Variants in PDXDC1 observed in about 807,000 individuals in gnomAD.
The protein encoded by PDXDC1 is pyridoxal dependent decarboxylase domain containing 1, also known as pyridoxal-dependent decarboxylase domain-containing protein 1.
A neutral mutation model predicts 100.1 loss-of-function variants in PDXDC1; 42 were observed. The ratio of observed to expected loss-of-function variants is 0.42; its 90% CI spans 0.33 to 0.54. The LOEUF (loss-of-function observed/expected upper bound fraction) is 0.54, where lower values mean the gene tolerates loss of function less well. Among genes scored for constraint, PDXDC1 ranks in the 20% least tolerant of loss-of-function variants. The pLI is 0.10. For synonymous variants in PDXDC1, 260 were observed against 371.7 expected (o/e 0.70, Z 3.46); for missense variants, 636 against 979.2 (o/e 0.65, Z 4.68).
downstream of PDXDC1, among the ~76,000 whole-genome samples, chr16:15,042,611 T>G (rs2043865814): frequency 6.6e-6 from 1 of 152,244 alleles, no homozygotes; most frequent in African/African-American, 2.4e-5. Flanking sequence ...TTTCCTGTTA[T>G]AAGTAATGTT....
intron 11 of PDXDC1, among the ~76,000 whole-genome samples, chr16:15,017,994 A>T (rs1178847023): frequency 3.9e-5 from 6 of 152,190 alleles, no homozygotes; most frequent in African/African-American, 1.4e-4. Context: ...GTGTTTCACC[A>T]AGTTGGTCAT....
At chr16:15,046,966 C>T (rs2044097376) in intron 16 of PDXDC1, among the ~76,000 whole-genome samples, 1 of 152,150 alleles carries the variant, frequency 6.6e-6, no homozygotes, top group African/African-American at 2.4e-5. Context: ...ACAGCCCCGC[C>T]TCACCACCCA....
chr16:15,005,317 A>AAAAAAG (rs5816114), intron 5 of PDXDC1, among the ~76,000 whole-genome samples: 34,493 of 142,658 alleles, frequency 0.24, 1,930 homozygotes, highest in East Asian at 0.37. Flanking sequence ...AAAAAAAAAA[A>AAAAAAG]AAAGAAAACT....
chr16:15,055,802 T>G, intron 16 of PDXDC1: 1 of 706,410 alleles, frequency 1.4e-6, no homozygotes, highest in Admixed American at 4.4e-5. Flanking sequence ...GCGCCAAGTT[T>G]CAAGTCTGTG....
intron 11 of PDXDC1, among the ~76,000 whole-genome samples, chr16:15,018,588 A>G (rs578038151): frequency 1.3e-5 from 2 of 152,386 alleles, no homozygotes; most frequent in East Asian, 3.9e-4. Flanking sequence ...GATGTGACCC[A>G]TCTGGGTTTT....
At chr16:15,132,045 G>A (rs563639256) in intron 16 of PDXDC1, among the ~76,000 whole-genome samples, 2 of 11,472 alleles carry the variant, frequency 1.7e-4, no homozygotes, top group Admixed American at 6.5e-4. Context: ...AGGAGGATAA[G>A]GGGGATAAGA....
chr16:15,145,358 G>A, the PDXDC1 span, among the ~76,000 whole-genome samples: 5 of 152,236 alleles, frequency 3.3e-5, no homozygotes, highest in Admixed American at 6.5e-5. Flanking sequence ...CACAGTGGAC[G>A]GGCTCACAAC....
At chr16:15,031,138 A>ATTTT (rs2043040284) in intron 16 of PDXDC1, among the ~76,000 whole-genome samples, 45 of 58,454 alleles carry the variant, frequency 7.7e-4, no homozygotes, top group South Asian at 2.8e-3. Context: ...TTTTTTTTCC[A>ATTTT]TAGAGACGTG....
At chr16:15,101,420 G>C (rs568226633) in intron 16 of PDXDC1, among the ~76,000 whole-genome samples, 1 of 152,284 alleles carries the variant, frequency 6.6e-6, no homozygotes, top group South Asian at 2.1e-4. Flanking sequence ...AGATGCAAAT[G>C]ATTGTCGTGC....
At chr16:15,007,887 TA>T (rs1464280797) in intron 6 of PDXDC1, among the ~76,000 whole-genome samples, 1 of 152,292 alleles carries the variant, frequency 6.6e-6, no homozygotes, top group East Asian at 1.9e-4. Flanking sequence ...GCAGCATATA[TA>T]AGATGGTTAT....
chr16:15,078,881 G>C (rs1409693029), intron 16 of PDXDC1, among the ~76,000 whole-genome samples: 1 of 148,968 alleles, frequency 6.7e-6, no homozygotes, highest in Non-Finnish European at 1.5e-5. Flanking sequence ...GCGCAATCTC[G>C]GCTCACTGCA....
At chr16:15,092,136 G>T (rs769963828) in intron 16 of PDXDC1, among the ~76,000 whole-genome samples, 2 of 152,120 alleles carry the variant, frequency 1.3e-5, no homozygotes, top group African/African-American at 4.8e-5. Flanking sequence ...CCGAGGTCAC[G>T]CCACTGCACT....
At chr16:15,087,236 G>C (rs916878872) in intron 16 of PDXDC1, among the ~76,000 whole-genome samples, 1 of 152,130 alleles carries the variant, frequency 6.6e-6, no homozygotes, top group Non-Finnish European at 1.5e-5. Flanking sequence ...TATTCATATG[G>C]AGTTATCATT....
At chr16:15,052,307 T>C (rs933345182) in intron 16 of PDXDC1, among the ~76,000 whole-genome samples, 1 of 152,238 alleles carries the variant, frequency 6.6e-6, no homozygotes, top group Non-Finnish European at 1.5e-5. Flanking sequence ...ATTATTTTGA[T>C]TTTTCTCAAC....
chr16:15,027,107 C>A (rs528773941), intron 14 of PDXDC1, among the ~76,000 whole-genome samples: 1 of 152,284 alleles, frequency 6.6e-6, no homozygotes, highest in Non-Finnish European at 1.5e-5. Context: ...GGCCATTGTC[C>A]CCTGTCAACT....
At chr16:14,987,011 G>T (rs535984541) in intron 1 of PDXDC1, among the ~76,000 whole-genome samples, 15 of 152,398 alleles carry the variant, frequency 9.8e-5, no homozygotes, top group African/African-American at 3.1e-4. Flanking sequence ...GCCTCCCAAA[G>T]TGCTGGTTTT....
chr16:14,990,260 C>T (rs533740327), intron 1 of PDXDC1: 37 of 554,220 alleles, frequency 6.7e-5, no homozygotes, highest in African/African-American at 6.1e-4. Context: ...GCCCAGACCG[C>T]GGCGCCCACC....
At chr16:15,148,999 C>T in the PDXDC1 span, among the ~76,000 whole-genome samples, 3 of 152,236 alleles carry the variant, frequency 2.0e-5, no homozygotes, top group African/African-American at 4.8e-5. Context: ...ACGTTCTGAA[C>T]GCCCGAGTGC....
chr16:15,003,058 A>G (rs1597417409), intron 4 of PDXDC1, among the ~76,000 whole-genome samples: 1 of 152,132 alleles, frequency 6.6e-6, no homozygotes, highest in East Asian at 1.9e-4. Flanking sequence ...CTTCTTTTTT[A>G]CAGTTATTCT....
Sources: gnomAD v4.1 joint callset for allele counts (sites outside exome capture counted in the v4.1 genomes callset) on GRCh38, gnomAD v4.1.1 for gene constraint, MANE v1.5 for transcripts, NCBI Gene and HGNC (gene_info 2026-07-23, HGNC 2026-07-21) for gene names.